Variants in HCN2 observed in about 807,000 individuals in gnomAD.
The protein encoded by HCN2 is potassium/sodium hyperpolarization-activated cyclic nucleotide-gated channel 2.
A neutral mutation model predicts 52.3 loss-of-function variants in HCN2; 20 were observed. The ratio of observed to expected loss-of-function variants is 0.38; its 90% CI spans 0.27 to 0.56. HCN2 has a LOEUF of 0.56. Among genes scored for constraint, HCN2 ranks in the 20% least tolerant of loss-of-function variants. The probability of loss-of-function intolerance (pLI) is 0.71; values close to 1 mark genes in which losing one functional copy is unlikely to be tolerated. For synonymous variants in HCN2, 694 were observed against 537.0 expected, an observed-to-expected ratio of 1.29 and a Z score of -4.04; for missense variants, 981 against 1,207.7, an observed-to-expected ratio of 0.81 and a Z score of 2.78.
At chr19:599,554 C>T (rs556491525) in intron 1 of HCN2, among the ~76,000 whole-genome samples, 77 of 151,146 alleles carry the variant, frequency 5.1e-4, no homozygotes, top group Non-Finnish European at 3.1e-4. Context: ...CCAAGGCGGG[C>T]GGATCACGAG....
At chr19:596,275 CGA>C (rs1983027035) in intron 1 of HCN2, among the ~76,000 whole-genome samples, 1 of 152,212 alleles carries the variant, frequency 6.6e-6, no homozygotes, top group Non-Finnish European at 1.5e-5. Flanking sequence ...GTGTCAGAGC[CGA>C]GAGAGAGGCT....
At chr19:613,113 G>T (rs1983716678) in intron 5 of HCN2, 135 bp from the exon 6 acceptor site, 1 of 1,235,316 alleles carries the variant, frequency 8.1e-7, no homozygotes, top group Non-Finnish European at 1.1e-6. Context: ...CAGCAGCTCG[G>T]TTCCGGCTAC....
rs948754816 is a variant in HCN2, at chr19:595,108, G to A, written c.632+4531G>A. 2.6e-5 allele frequency among the ~76,000 whole-genome samples: 4 copies of A among 152,206 alleles called. No individual in the cohort carries two copies. In the South Asian group the frequency reaches 6.2e-4, roughly 24 times the overall value. Reference sequence around the variant, plus strand: ...TCCCAGCTACTCTGGAGGCTGAGGCGGGAGGATCACCTGAGCCCAGGAGGT... The same window carrying A: ...TCCCAGCTACTCTGGAGGCTGAGGCAGGAGGATCACCTGAGCCCAGGAGGT... On this transcript the variant is annotated intron_variant, in intron 1 of 7. Transcript: ENST00000251287.
At chr19:614,287 C>T (rs1424532471) in intron 7 of HCN2, among the ~76,000 whole-genome samples, 5 of 152,176 alleles carry the variant, frequency 3.3e-5, no homozygotes, top group African/African-American at 1.2e-4. Context: ...CAGCCAGAGG[C>T]AGCCTGTTTC....
chr19:593,010 A>G (rs1464490794), intron 1 of HCN2, among the ~76,000 whole-genome samples: 1 of 152,052 alleles, frequency 6.6e-6, no homozygotes, highest in South Asian at 2.1e-4. Flanking sequence ...CAGCCTTGCC[A>G]GTGTCTCAGC....
chr19:614,670 C>A (rs1441513200), intron 7 of HCN2, among the ~76,000 whole-genome samples: 1 of 151,906 alleles, frequency 6.6e-6, no homozygotes, highest in Non-Finnish European at 1.5e-5. Context: ...ACACACAGGG[C>A]CCAGTGGGCG....
chr19:612,697 G>A (rs1316172645), intron 5 of HCN2, among the ~76,000 whole-genome samples: 3 of 151,426 alleles, frequency 2.0e-5, no homozygotes, highest in South Asian at 2.1e-4. Context: ...TTACAGGTGT[G>A]AGCCACCACG....
At position 590,830 on chromosome 19, in the gene HCN2, G is replaced by A; in HGVS notation, c.632+253G>A. On this transcript the variant is annotated intron_variant, in intron 1 of 7. Transcript: ENST00000251287. The surrounding 1 kb of genome is among the most constrained non-coding windows in gnomAD (Gnocchi z 7.2). Reference sequence around the variant, plus strand: ...CGCACCCCGACATCCTCCGCCCTGCGGCGCGGCGGGTGGGGTGGGCCGCAG... The same window carrying A: ...CGCACCCCGACATCCTCCGCCCTGCAGCGCGGCGGGTGGGGTGGGCCGCAG... 1 of 259,578 alleles carries A rather than the reference G, an allele frequency of 3.9e-6. No homozygotes were observed. The highest frequency in any genetic ancestry group is 7.3e-6 in the Non-Finnish European group (1 of 137,606). 16.1% of individuals were successfully genotyped at this position (259,578 alleles called of 1,614,324 possible).
chr19:600,770 C>T (rs191121691), intron 1 of HCN2, among the ~76,000 whole-genome samples: 105 of 152,272 alleles, frequency 6.9e-4, no homozygotes, highest in Middle Eastern at 3.4e-3. Flanking sequence ...CGTGAGCCAC[C>T]GCACCCAGCA....
chr19:600,246 C>T (rs12462925), intron 1 of HCN2, among the ~76,000 whole-genome samples: 8,999 of 152,212 alleles, frequency 0.059, 574 homozygotes, highest in African/African-American at 0.14. Flanking sequence ...GATCTCGGCT[C>T]ACTGCAACCT....
At chr19:602,361 CTCCTGCGTGGACGCCCCACTCCCTCCT>C in intron 1 of HCN2, among the ~76,000 whole-genome samples, 1 of 70,406 alleles carries the variant, frequency 1.4e-5, no homozygotes, top group Non-Finnish European at 2.8e-5. Flanking sequence ...ACTTCCTCCT[CTCCTGCGTGGACGCCCCACTCCCTCCT>C]CTCTCCTCCT....
intron 1 of HCN2, among the ~76,000 whole-genome samples, chr19:597,839 T>TGGTTTCTAGGTCTCCTTGGC (rs746904612): frequency 2.6e-5 from 4 of 151,910 alleles, no homozygotes; most frequent in Admixed American, 6.5e-5. Context: ...GTCCTCCTGG[T>TGGTTTCTAGGTCTCCTTGGC]GGTTTCTAGG....
chr19:613,301 C>T lies in HCN2; in HGVS notation c.1638C>T (p.Ala546=), dbSNP rs1228076288. The T allele has an allele frequency of 2.5e-6, 4 of 1,612,854 alleles. No individual in the cohort carries two copies. The highest frequency in any genetic ancestry group is 2.2e-5 in the South Asian group (2 of 91,080). ...TGGTGGCCTCCATGCCGCTGTTCGC[C>T]AACGCCGACCCCAACTTCGTCACGG... The part of the protein sequence containing the change: ...RKLVASMPLF[A]NADPNFVTAM... The change falls in exon 6 of 8, where the codon GCC becomes GCT. Residue 546 remains alanine, a synonymous_variant. Coordinates refer to ENST00000251287, the MANE Select transcript of HCN2 (RefSeq NM_001194.4).
chr19:604,824 T>TG (rs1171508065), intron 2 of HCN2, among the ~76,000 whole-genome samples: 7 of 35,290 alleles, frequency 2.0e-4, no homozygotes, highest in African/African-American at 5.6e-4. Context: ...GCTGTGGATT[T>TG]GGGGGGGTCC....
At chr19:602,195 T>C (rs1194306734) in intron 1 of HCN2, among the ~76,000 whole-genome samples, 2 of 73,400 alleles carry the variant, frequency 2.7e-5, no homozygotes, top group East Asian at 4.1e-4. Context: ...CACTCCCTCC[T>C]CTCTCCTCCT....
rs56165058 is a variant in HCN2 at position 613,832 on chromosome 19, C to A, written c.1826-20C>A. 11 of 1,529,936 alleles carry A rather than the reference C, an allele frequency of 7.2e-6. No homozygotes were observed. Among genetic ancestry groups the A allele is most frequent in the South Asian group, 5.0e-5 (4 of 80,622 alleles). 94.8% of individuals were successfully genotyped at this position (1,529,936 alleles called of 1,614,324 possible). A position where few individuals can be genotyped will look rare whatever the true frequency, so the allele number is the denominator to read the frequency against. ...GGCGCCCGCCTCGTCCAGCAACCCC[C>A]CCCTGCGCGCCACGTGCAGAGATCT... On this transcript the variant is annotated intron_variant, in intron 6 of 7. Coordinates refer to ENST00000251287, the MANE Select transcript of HCN2 (RefSeq NM_001194.4).
rs371557417 is a variant in HCN2, at chr19:612,844, G to GTT, written c.1585-393_1585-392dup. ...ACTTCCTGCACCACCACGCCTGGCT[G>GTT]TTTTTTTTTTTTCCGGTAGAGACGG... On this transcript the variant is annotated intron_variant, in intron 5 of 7. Transcript: ENST00000251287. 2.7e-3 allele frequency among the ~76,000 whole-genome samples: 338 copies of GTT among 126,396 alleles called. 2 individuals carry two copies. The highest frequency in any genetic ancestry group is 9.7e-3 in the African/African-American group (329 of 34,018). 82.9% of individuals were successfully genotyped at this position (126,396 alleles called of 152,430 possible). A position where few individuals can be genotyped will look rare whatever the true frequency, so the allele number is the denominator to read the frequency against.
intron 4 of HCN2, 62 bp from the exon 5 acceptor site, chr19:610,197 T>G: frequency 1.3e-6 from 2 of 1,550,600 alleles, no homozygotes; most frequent in Non-Finnish European, 1.8e-6. Flanking sequence ...TACAAGCAGG[T>G]GCCCCTGTGC....
chr19:609,177 C>T (rs866141124), intron 4 of HCN2, among the ~76,000 whole-genome samples: 35 of 152,316 alleles, frequency 2.3e-4, no homozygotes, highest in African/African-American at 3.6e-4. Context: ...ACCACCCGCC[C>T]GCCGTCACGG....
Sources: gnomAD v4.1 joint callset for allele counts (sites outside exome capture counted in the v4.1 genomes callset) on GRCh38, gnomAD v4.1.1 for gene constraint, Gnocchi (gnomAD v3.1) non-coding constraint, MANE v1.5 for transcripts, NCBI Gene and HGNC (gene_info 2026-07-23, HGNC 2026-07-21) for gene names.